Variants in UNC13C observed in about 807,000 individuals in gnomAD.
UNC13C encodes unc-13 homolog C, also known as protein unc-13 homolog C.
Under a neutral mutation model 245.4 loss-of-function variants are expected in UNC13C, and 174 were observed. That is an observed-to-expected ratio of 0.71 (90% CI 0.63 to 0.80). UNC13C has a LOEUF of 0.80. UNC13C is among the 30% of genes least tolerant of loss of function. The pLI is 0.00. For synonymous variants in UNC13C, 992 were observed against 895.1 expected (o/e 1.11, Z -1.93); for missense variants, 2,829 against 2,602.9 (o/e 1.09, Z -1.89).
At chr15:54,442,206 T>C (rs1890564899) in intron 19 of UNC13C, among the ~76,000 whole-genome samples, 1 of 151,782 alleles carries the variant, frequency 6.6e-6, no homozygotes. Flanking sequence ...CAGTACTAAA[T>C]TGAATTGAAT....
chr15:54,589,286 CTTCTTTTTTTTTTTTTT>C (rs1393997534), intron 30 of UNC13C, among the ~76,000 whole-genome samples: 1 of 77,922 alleles, frequency 1.3e-5, no homozygotes, highest in South Asian at 5.5e-4. Context: ...TCTTCTTCTT[CTTCTTTTTTTTTTTTTT>C]TTTTTTTTTT....
chr15:54,423,572 G>T (rs2040697671), intron 19 of UNC13C, among the ~76,000 whole-genome samples: 1 of 151,614 alleles, frequency 6.6e-6, no homozygotes, highest in Non-Finnish European at 1.5e-5. Context: ...AGATATTCAT[G>T]GTGAATGATC....
At chr15:54,021,981 A>G (rs1304192738) in intron 2 of UNC13C, among the ~76,000 whole-genome samples, 1 of 152,214 alleles carries the variant, frequency 6.6e-6, no homozygotes, top group African/African-American at 2.4e-5. Flanking sequence ...AGTAGGTGAT[A>G]CCATTTACGT....
chr15:54,582,454 A>T (rs1898243054), intron 30 of UNC13C, among the ~76,000 whole-genome samples: 1 of 152,186 alleles, frequency 6.6e-6, no homozygotes, highest in African/African-American at 2.4e-5. Flanking sequence ...TAAATTCAGG[A>T]GGTGATTCTT....
intron 18 of UNC13C, among the ~76,000 whole-genome samples, chr15:54,408,127 A>G (rs2040338420): frequency 7.2e-6 from 1 of 139,300 alleles, no homozygotes; most frequent in Admixed American, 7.7e-5. Flanking sequence ...CATGAACCCG[A>G]GAGGCGGAGT....
rs534873433 is a variant in UNC13C, at chr15:54,124,607, C to A, written c.2984-18411C>A. Among the ~76,000 whole-genome samples the A allele has an allele frequency of 3.3e-4, 50 of 151,832 alleles. 1 individual carries two copies. The South Asian group carries it at 0.01, about 32-fold the overall frequency. On this transcript the variant is annotated intron_variant, in intron 2 of 32. Transcript: ENST00000260323. ...TGTCTTTTTATCCTCCTAACAAGGT[C>A]TTTCTAAGAACAATTTTTTAAATGT...
chr15:53,891,849 A>T, the UNC13C span, among the ~76,000 whole-genome samples: 1 of 152,238 alleles, frequency 6.6e-6, no homozygotes, highest in Non-Finnish European at 1.5e-5. Context: ...TGGGGCATTT[A>T]GCCCATTAAC....
chr15:54,135,025 A>T (rs1233512997), intron 2 of UNC13C, among the ~76,000 whole-genome samples: 1 of 152,054 alleles, frequency 6.6e-6, no homozygotes, highest in Admixed American at 6.5e-5. Flanking sequence ...GTGTGAGGTG[A>T]TATCTCATTT....
chr15:54,204,351 A>T (rs904682874), intron 4 of UNC13C, among the ~76,000 whole-genome samples: 2 of 151,066 alleles, frequency 1.3e-5, no homozygotes, highest in African/African-American at 4.8e-5. Context: ...GTTTTTACAT[A>T]CTGTCAATAA....
At chr15:54,117,394 G>T (rs1255337513) in intron 2 of UNC13C, among the ~76,000 whole-genome samples, 9 of 151,942 alleles carry the variant, frequency 5.9e-5, no homozygotes, top group African/African-American at 2.2e-4. Context: ...TCTTCTAGTA[G>T]TTTTATAGTT....
chr15:54,559,451 C>T (rs1346152459), intron 29 of UNC13C, among the ~76,000 whole-genome samples: 1 of 151,930 alleles, frequency 6.6e-6, no homozygotes, highest in African/African-American at 2.4e-5. Flanking sequence ...AATCCAGCTA[C>T]TCATGAGAAG....
intron 20 of UNC13C, among the ~76,000 whole-genome samples, chr15:54,496,380 G>A (rs1021571507): frequency 3.3e-5 from 5 of 151,928 alleles, no homozygotes; most frequent in Non-Finnish European, 7.4e-5. Context: ...AAAGAAAGAG[G>A]AAAGGTGAAG....
chr15:54,116,740 A>C (rs2030277863), intron 2 of UNC13C, among the ~76,000 whole-genome samples: 1 of 152,138 alleles, frequency 6.6e-6, no homozygotes, highest in Non-Finnish European at 1.5e-5. Context: ...GATAAACATG[A>C]GAATGCAGAC....
At chr15:54,055,256 C>T (rs1286451945) in intron 2 of UNC13C, among the ~76,000 whole-genome samples, 1 of 151,994 alleles carries the variant, frequency 6.6e-6, no homozygotes, top group South Asian at 2.1e-4. Flanking sequence ...TTGGGGTTTC[C>T]CTGAACACTA....
intron 25 of UNC13C, among the ~76,000 whole-genome samples, chr15:54,526,464 G>C (rs1458953421): frequency 6.6e-6 from 1 of 152,068 alleles, no homozygotes; most frequent in Non-Finnish European, 1.5e-5. Flanking sequence ...GGGTACGGTG[G>C]CTTATGCCTG....
chr15:54,565,431 ATC>A (rs1238734504), intron 29 of UNC13C, among the ~76,000 whole-genome samples: 2 of 152,076 alleles, frequency 1.3e-5, no homozygotes, highest in African/African-American at 4.8e-5. Context: ...CCACAGTGCA[ATC>A]TTACAAATTA....
intron 1 of UNC13C, among the ~76,000 whole-genome samples, chr15:54,002,016 G>A (rs988558495): frequency 6.6e-6 from 1 of 152,236 alleles, no homozygotes; most frequent in African/African-American, 2.4e-5. Flanking sequence ...GCCAGGCGTG[G>A]TGGCTCACGC....
At chr15:54,068,763 G>T (rs190092261) in intron 2 of UNC13C, among the ~76,000 whole-genome samples, 3 of 152,296 alleles carry the variant, frequency 2.0e-5, no homozygotes, top group East Asian at 3.9e-4. Context: ...AACTGTAGTA[G>T]TCAGTTTCAG....
intron 1 of UNC13C, among the ~76,000 whole-genome samples, chr15:53,987,453 C>G (rs750714693): frequency 1.3e-5 from 2 of 151,966 alleles, no homozygotes; most frequent in Non-Finnish European, 2.9e-5. Context: ...CCATCACTTC[C>G]TCCAGAATAG....
Sources: allele counts gnomAD v4.1 joint callset (sites outside exome capture counted in the v4.1 genomes callset), GRCh38; gene constraint gnomAD v4.1.1; transcripts MANE v1.5; gene names NCBI Gene and HGNC (gene_info 2026-07-23, HGNC 2026-07-21).